P3H2: variants seen among roughly 807,000 people sequenced by gnomAD.
The protein encoded by P3H2 is leprecan-like 1.
A neutral mutation model predicts 87.0 loss-of-function variants in P3H2; 80 were observed. That is an observed-to-expected ratio of 0.92 (90% CI 0.77 to 1.11). The LOEUF is 1.11. Among genes scored for constraint, P3H2 ranks in the 50% least tolerant of loss-of-function variants. The probability of loss-of-function intolerance (pLI) is 0.00; values close to 1 mark genes in which losing one functional copy is unlikely to be tolerated. For synonymous variants in P3H2, 367 were observed against 359.3 expected (o/e 1.02, Z -0.24); for missense variants, 1,001 against 923.9 (o/e 1.08, Z -1.08).
At chr3:190,001,588 A>G (rs1356573023) in intron 1 of P3H2, among the ~76,000 whole-genome samples, 1 of 152,230 alleles carries the variant, frequency 6.6e-6, no homozygotes, top group East Asian at 1.9e-4. Context: ...GTAAGCTGAC[A>G]CTGAAGACAT....
chr3:190,090,400 C>A (rs1463394669), intron 1 of P3H2, among the ~76,000 whole-genome samples: 1 of 152,134 alleles, frequency 6.6e-6, no homozygotes, highest in Non-Finnish European at 1.5e-5. Context: ...ATTTTAGACT[C>A]AAAAAATATT....
intron 7 of P3H2, 59 bp downstream of exon 7, chr3:189,984,491 G>A: frequency 8.4e-7 from 1 of 1,195,710 alleles, no homozygotes. Flanking sequence ...TCTATGATAG[G>A]TTATGACACT....
At chr3:190,024,009 T>C (rs1182493934) in intron 1 of P3H2, among the ~76,000 whole-genome samples, 1 of 152,158 alleles carries the variant, frequency 6.6e-6, no homozygotes, top group East Asian at 1.9e-4. Flanking sequence ...ATCTGTAAAA[T>C]ATAAACATAT....
chr3:190,055,066 G>C (rs568731051), intron 1 of P3H2, among the ~76,000 whole-genome samples: 1 of 152,040 alleles, frequency 6.6e-6, no homozygotes, highest in African/African-American at 2.4e-5. Flanking sequence ...GTTCTCTGAG[G>C]GACAGGCCTC....
At chr3:190,026,063 G>A (rs2108944006) in intron 1 of P3H2, among the ~76,000 whole-genome samples, 1 of 152,060 alleles carries the variant, frequency 6.6e-6, no homozygotes, top group African/African-American at 2.4e-5. Flanking sequence ...TCTTTCATCT[G>A]GGGAGGTTCT....
chr3:190,026,262 G>A (rs1273295952), intron 1 of P3H2, among the ~76,000 whole-genome samples: 6 of 152,104 alleles, frequency 3.9e-5, no homozygotes, highest in Admixed American at 6.5e-5. Flanking sequence ...TGTCAGAGAC[G>A]TTTGAACCAG....
At chr3:190,052,083 T>A (rs552520908) in intron 1 of P3H2, among the ~76,000 whole-genome samples, 1 of 152,176 alleles carries the variant, frequency 6.6e-6, no homozygotes, top group Non-Finnish European at 1.5e-5. Context: ...ATTTTTAAAA[T>A]AAATTTTACT....
rs187233331 is a variant in P3H2 at position 190,097,803 on chromosome 3, C to T, written c.480+22449G>A. ...CAGCAGCTTTCATCCCCACGCCCCA[C>T]CCCCGCAGGATAAAGGCATGCATGA... On this transcript the variant is annotated intron_variant, in intron 1 of 14. Transcript: ENST00000319332. Among the ~76,000 whole-genome samples, 20 of 152,228 alleles carry T rather than the reference C, an allele frequency of 1.3e-4. 1 individual carries two copies. In the South Asian group the frequency reaches 3.1e-3, roughly 24 times the overall value.
At chr3:190,107,332 CTG>C (rs1483278605) in intron 1 of P3H2, among the ~76,000 whole-genome samples, 1 of 152,102 alleles carries the variant, frequency 6.6e-6, no homozygotes, top group African/African-American at 2.4e-5. Flanking sequence ...ATTCTTTGAC[CTG>C]TGTTTCAGCT....
intron 1 of P3H2, among the ~76,000 whole-genome samples, chr3:190,095,462 C>T (rs1315089138): frequency 6.7e-6 from 1 of 149,776 alleles, no homozygotes; most frequent in East Asian, 2.0e-4. Flanking sequence ...AAAAAAACCT[C>T]ATCCAAAAGT....
chr3:190,096,716 T>C (rs1727599521), intron 1 of P3H2, among the ~76,000 whole-genome samples: 1 of 152,182 alleles, frequency 6.6e-6, no homozygotes, highest in Non-Finnish European at 1.5e-5. Flanking sequence ...CCTTCTTCCA[T>C]GCCTATCATA....
intron 1 of P3H2, among the ~76,000 whole-genome samples, chr3:189,996,167 A>C (rs1560354402): frequency 6.6e-6 from 1 of 152,072 alleles, no homozygotes. Context: ...TCCCATGTTT[A>C]TTGTAGCACT....
At chr3:190,039,147 C>CCATT (rs942345758) in intron 1 of P3H2, among the ~76,000 whole-genome samples, 1 of 150,932 alleles carries the variant, frequency 6.6e-6, no homozygotes, top group African/African-American at 2.4e-5. Flanking sequence ...CGAGATCACA[C>CCATT]CATTGCACTC....
At chr3:190,003,458 C>T (rs747907453) in intron 1 of P3H2, among the ~76,000 whole-genome samples, 5 of 150,534 alleles carry the variant, frequency 3.3e-5, no homozygotes, top group South Asian at 2.1e-4. Flanking sequence ...ATACTATTTC[C>T]GATTAGAGAC....
chr3:190,007,965 C>CACATATATATATATATATAT, intron 1 of P3H2, among the ~76,000 whole-genome samples: 1 of 94,344 alleles, frequency 1.1e-5, no homozygotes, highest in African/African-American at 3.9e-5. Flanking sequence ...TGTTGACACA[C>CACATATATATATATATATAT]ATATATATAT....
chr3:190,040,014 G>A lies in P3H2; in HGVS notation c.481-44572C>T, dbSNP rs544060591. On this transcript the variant is annotated intron_variant, in intron 1 of 14. Transcript: ENST00000319332. ...CAAAAACTCACAGGAATATGGAGAA[G>A]TGAGAGCAGTGACTATAGTTGCATT... 2.0e-5 allele frequency among the ~76,000 whole-genome samples: 3 copies of A among 152,330 alleles called. No individual in the cohort carries two copies. In the South Asian group the frequency reaches 6.2e-4, roughly 32 times the overall value.
intron 1 of P3H2, among the ~76,000 whole-genome samples, chr3:190,107,340 C>T (rs1711883826): frequency 6.6e-6 from 1 of 152,174 alleles, no homozygotes; most frequent in South Asian, 2.1e-4. Flanking sequence ...ACCTGTGTTT[C>T]AGCTGTGTGA....
At chr3:190,063,755 C>T (rs1045103907) in intron 1 of P3H2, among the ~76,000 whole-genome samples, 4 of 151,876 alleles carry the variant, frequency 2.6e-5, no homozygotes, top group Non-Finnish European at 5.9e-5. Flanking sequence ...TAGAGACTTC[C>T]GAGCTGCCTC....
chr3:190,063,125 G>T (rs79555377), intron 1 of P3H2, among the ~76,000 whole-genome samples: 1 of 152,026 alleles, frequency 6.6e-6, no homozygotes, highest in Non-Finnish European at 1.5e-5. Context: ...TTTAAATTTA[G>T]GAGTTCTACT....
Sources: allele counts gnomAD v4.1 joint callset (sites outside exome capture counted in the v4.1 genomes callset), GRCh38; gene constraint gnomAD v4.1.1; transcripts MANE v1.5; gene names NCBI Gene and HGNC (gene_info 2026-07-23, HGNC 2026-07-21).